The following MINDY1 variants were observed in gnomAD, a reference collection of about 807,000 sequenced individuals.
MINDY1 encodes the protein MINDY lysine 48 deubiquitinase 1.
A neutral mutation model predicts 53.6 loss-of-function variants in MINDY1; 50 were observed. The observed-to-expected ratio is 0.93, with a 90% CI of 0.74 to 1.18. The LOEUF is 1.18. Ranked by LOEUF, MINDY1 falls within the 50% of genes most tolerant of loss-of-function variation. The pLI is 0.00. For synonymous variants in MINDY1, 231 were observed against 234.7 expected, an observed-to-expected ratio of 0.98 and a Z score of 0.14; for missense variants, 484 against 578.6, an observed-to-expected ratio of 0.84 and a Z score of 1.68.
At chr1:151,003,737 A>G (rs1545626) in intron 1 of MINDY1, among the ~76,000 whole-genome samples, 144,177 of 152,050 alleles carry the variant, frequency 0.95, 68,830 homozygotes, top group East Asian at 1. Flanking sequence ...GACAGCTAGC[A>G]TTGAGACAGC....
rs1446103447 is a variant in MINDY1 at position 151,000,437 on chromosome 1, G to T, written c.735+20C>A. On this transcript the variant is annotated intron_variant, in intron 5 of 9. Transcript: ENST00000683666. ...TCAGCTTGAGCTGGATAAGGTCCCA[G>T]TGGGCCCTCCCACCCTCACCTGTGG... 2.5e-6 allele frequency: 4 copies of T among 1,575,874 alleles called. No homozygotes were observed. In the African/African-American group the frequency reaches 4.1e-5, roughly 16 times the overall value.
In MINDY1 at chr1:151,000,448, C is replaced by T; in HGVS notation, c.735+9G>A. ...TGGATAAGGTCCCAGTGGGCCCTCC[C>T]ACCCTCACCTGTGGATCAACAAGCC... On this transcript the variant is annotated intron_variant, in intron 5 of 9. Transcript: ENST00000683666. The T allele has an allele frequency of 1.3e-6, 2 of 1,592,366 alleles. No homozygotes were observed. Among genetic ancestry groups the T allele is most frequent in the East Asian group, 4.5e-5 (2 of 44,552 alleles).
At chr1:150,997,953 G>A (rs1672034292) in intron 8 of MINDY1, 129 bp downstream of exon 8, 1 of 1,183,990 alleles carries the variant, frequency 8.4e-7, no homozygotes, top group African/African-American at 1.5e-5. Context: ...CACCAAGTGA[G>A]GAGACGGTCT....
Position 151,002,329 on chromosome 1 carries a change from G to C in MINDY1, c.289C>G (p.Pro97Ala). The change falls in exon 2 of 10, where the codon CCC becomes GCC. Residue 97 changes from proline (P) to alanine (A), a missense_variant. Transcript: ENST00000683666. The surrounding 1 kb of genome is among the most constrained non-coding windows in gnomAD (Gnocchi z 4.1). The part of the protein sequence containing the change: ...EVETIRACSM[P>A]QELPQSPRTR... The stretch of plus-strand genomic sequence containing the variant: ...CTGGGGGACTGAGGAAGCTCCTGGG[G>C]CATGGAGCATGCCCTTATTGTCTCT... 10 of 1,614,194 alleles carry C rather than the reference G, an allele frequency of 6.2e-6. No homozygotes were observed. The highest frequency in any genetic ancestry group is 8.5e-6 in the Non-Finnish European group (10 of 1,180,030).
chr1:151,000,115 A>T lies in MINDY1; in HGVS notation c.736-151T>A, dbSNP rs1672379493. 5 of 630,134 alleles carry T rather than the reference A, an allele frequency of 7.9e-6. No homozygotes were observed. In the South Asian group the frequency reaches 1.1e-4, roughly 14 times the overall value. The allele number at this position is 630,134 out of a possible 1,614,324, so 39.0% of individuals were successfully genotyped here. On this transcript the variant is annotated intron_variant, in intron 5 of 9. Transcript: ENST00000683666. The stretch of plus-strand genomic sequence containing the variant: ...TTTTTGGTCTCTCAAAAAAGAAAAA[A>T]ATTTCAGGAACCATTCATCATAGGG...
At chr1:151,000,651 C>T (rs762701457) in intron 4 of MINDY1, 36 bp from the exon 5 acceptor site, 12 of 1,587,732 alleles carry the variant, frequency 7.6e-6, no homozygotes, top group East Asian at 2.2e-5. Flanking sequence ...AGATTCTAGC[C>T]TTCTCTCCCA....
chr1:151,006,464 G>A lies in MINDY1; in HGVS notation c.-242C>T, dbSNP rs1025944680. ...TATACAGGTTTACACAGCTTTATAA[G>A]CGACGGTCCAGGCTGGGTTGTGGCC... On this transcript the variant is annotated 5_prime_UTR_variant, in exon 1 of 10. Transcript: ENST00000683666. The A allele has an allele frequency of 9.6e-6, 11 of 1,139,988 alleles. No individual in the cohort carries two copies. The highest frequency in any genetic ancestry group is 5.5e-5 in the East Asian group (1 of 18,064). 70.6% of individuals were successfully genotyped at this position (1,139,988 alleles called of 1,614,324 possible).
chr1:150,998,831 G>T (rs1212095009), intron 7 of MINDY1, among the ~76,000 whole-genome samples: 2 of 152,124 alleles, frequency 1.3e-5, no homozygotes, highest in Admixed American at 1.3e-4. Flanking sequence ...ATTGTTCTCT[G>T]GGCTTGCCTG....
intron 8 of MINDY1, 59 bp from the exon 9 acceptor site, chr1:150,997,838 A>G (rs1672019280): frequency 6.5e-7 from 1 of 1,534,990 alleles, no homozygotes; most frequent in African/African-American, 1.4e-5. Flanking sequence ...TATTCAGGCA[A>G]GGTTTCCAAA....
intron 5 of MINDY1, among the ~76,000 whole-genome samples, 199 bp downstream of exon 5, chr1:151,000,258 A>G (rs1003116946): frequency 6.6e-6 from 1 of 152,122 alleles, no homozygotes; most frequent in East Asian, 1.9e-4. Flanking sequence ...ACCTATTTGC[A>G]TGTAGTTTGC....
At position 151,002,223 on chromosome 1, in the gene MINDY1, C is replaced by A. The variant is rs781261460; in HGVS notation, c.395G>T (p.Ser132Ile). The A allele has an allele frequency of 3.1e-6, 5 of 1,614,066 alleles. No homozygotes were observed. The part of the protein sequence containing the change: ...KGEQTPIITQ[S>I]TNGPCPLLAI... ...AAGGAGAGGGCAAGGGCCGTTAGTG[C>A]TCTGGGTGATGATGGGTGTCTGTTC... The change falls in exon 2 of 10, where the codon AGC (serine) becomes ATC (isoleucine). Residue 132 changes from serine to isoleucine, a missense_variant. Transcript: ENST00000683666. This position sits in a 1 kb window ranked among gnomAD's most constrained non-coding sequence, Gnocchi z 4.1.
chr1:151,002,031 G>T lies in MINDY1; in HGVS notation c.453+134C>A. On this transcript the variant is annotated intron_variant, in intron 2 of 9. Coordinates refer to ENST00000683666, the MANE Select transcript of MINDY1 (RefSeq NM_001376665.1). This position sits in a 1 kb window ranked among gnomAD's most constrained non-coding sequence, Gnocchi z 4.1. ...TTTTTAGGAACATCTTATCTCATTT[G>T]CTCAAGCTGGAGAAATAGGGAGAAC... 6.5e-6 allele frequency: 6 copies of T among 928,484 alleles called. No individual in the cohort carries two copies. The highest frequency in any genetic ancestry group is 2.6e-5 in the East Asian group (1 of 39,164). The allele number at this position is 928,484 out of a possible 1,614,324, so 57.5% of individuals were successfully genotyped here.
Position 151,002,465 on chromosome 1 carries a change from C to T in MINDY1, c.153G>A (p.Glu51=), listed in dbSNP as rs368665287. ...RDADGEARER[E]PADQALLPSQ... ...TAGGCAGCAAAGCTTGGTCTGCTGG[C>T]TCCCGTTCTCTAGCCTCCCCATCAG... Residue 51 remains glutamate, a synonymous_variant, in exon 2 of 10, where the codon GAG becomes GAA. Coordinates refer to ENST00000683666, the MANE Select transcript of MINDY1 (RefSeq NM_001376665.1). This position sits in a 1 kb window ranked among gnomAD's most constrained non-coding sequence, Gnocchi z 4.1. 7.8e-5 allele frequency: 126 copies of T among 1,614,080 alleles called. 1 individual carries two copies. Among genetic ancestry groups the T allele is most frequent in the Non-Finnish European group, 1.0e-4 (120 of 1,180,046 alleles).
chr1:151,003,589 A>T (rs1342285169), intron 1 of MINDY1, among the ~76,000 whole-genome samples: 1 of 152,162 alleles, frequency 6.6e-6, no homozygotes, highest in Non-Finnish European at 1.5e-5. Context: ...TCTTTTAATT[A>T]AACTGAGACA....
chr1:150,999,482 T>C lies in MINDY1; in HGVS notation c.868A>G (p.Thr290Ala). 8 of 1,614,082 alleles carry C rather than the reference T, an allele frequency of 5.0e-6. No homozygotes were observed. Among genetic ancestry groups the C allele is most frequent in the Non-Finnish European group, 5.9e-6 (7 of 1,180,022 alleles). ...CCGTGGTAGGTCAGCTGGGCCGCGG[T>C]GGTCTCCAGGAACTGCTCTGCAATC... ...GLIAEQFLETTAAQLTYHGLC... is the reference protein window; with the variant it reads ...GLIAEQFLETAAAQLTYHGLC... The change falls in exon 7 of 10, where the codon ACC becomes GCC. Residue 290 changes from threonine (T) to alanine (A), a missense_variant. Thr to Ala is a moderately conservative substitution (Grantham distance 58). Transcript: ENST00000683666. This position sits in a 1 kb window ranked among gnomAD's most constrained non-coding sequence, Gnocchi z 4.4.
rs754411788 is a variant in MINDY1, at chr1:150,997,321, C to T, written c.1376G>A (p.Arg459Lys). ...SGRPAGERRQRPKHESDCILL is the reference protein window; with the variant it reads ...SGRPAGERRQKPKHESDCILL ...AATGCAGTCTGACTCGTGCTTCGGC[C>T]TCTGCCGACGCTCCCCGGCTGGGCG... The change falls in exon 10 of 10, where the codon AGG becomes AAG. Residue 459 changes from arginine (R) to lysine (K), a missense_variant. Coordinates refer to ENST00000683666, the MANE Select transcript of MINDY1 (RefSeq NM_001376665.1). 1.1e-5 allele frequency: 17 copies of T among 1,600,844 alleles called. No homozygotes were observed. In the South Asian group the frequency reaches 1.9e-4, roughly 18 times the overall value.
intron 4 of MINDY1, among the ~76,000 whole-genome samples, 198 bp from the exon 5 acceptor site, chr1:151,000,813 C>A (rs995292902): frequency 6.6e-6 from 1 of 152,144 alleles, no homozygotes; most frequent in East Asian, 1.9e-4. Context: ...AAGTCTAATT[C>A]TTTCATCCAG....
Position 151,006,781 on chromosome 1 carries a change from T to C in MINDY1, c.-559A>G. 5 of 985,636 alleles carry C rather than the reference T, an allele frequency of 5.1e-6. No homozygotes were observed. The highest frequency in any genetic ancestry group is 6.0e-6 in the Non-Finnish European group (5 of 830,076). The allele number at this position is 985,636 out of a possible 1,614,324, so 61.1% of individuals were successfully genotyped here. On this transcript the variant is annotated 5_prime_UTR_variant, in exon 1 of 10. Transcript: ENST00000683666. ...CGCTGGTGGATTTCCATCAGGACTT[T>C]CTGACCCGGTCAGCAGCTTTGTGAT...
At chr1:151,001,356 C>T (rs1672547700) in intron 3 of MINDY1, 42 bp from the exon 4 acceptor site, 1 of 1,604,438 alleles carries the variant, frequency 6.2e-7, no homozygotes, top group Non-Finnish European at 8.5e-7. Context: ...CACCAATCAT[C>T]CCAAAAGCTA....
Sources: allele counts gnomAD v4.1 joint callset (sites outside exome capture counted in the v4.1 genomes callset), GRCh38; gene constraint gnomAD v4.1.1; non-coding constraint Gnocchi (gnomAD v3.1); transcripts MANE v1.5; gene names NCBI Gene and HGNC (gene_info 2026-07-23, HGNC 2026-07-21).